ARHGAP6: variants seen among roughly 807,000 people sequenced by gnomAD.
The protein encoded by ARHGAP6 is rho GTPase-activating protein 6.
In ARHGAP6, 16 loss-of-function variants were observed where a neutral mutation model predicts 55.7. The ratio of observed to expected loss-of-function variants is 0.29; its 90% CI spans 0.19 to 0.44. ARHGAP6 has a LOEUF of 0.44. Ranked by LOEUF, ARHGAP6 falls within the 20% of genes least tolerant of loss-of-function variation. The pLI, the probability that ARHGAP6 is intolerant of heterozygous loss-of-function variation, is 1.00. For missense variants in ARHGAP6, 698 were observed against 808.9 expected (o/e 0.86, Z 1.66); for synonymous variants, 382 against 360.9 (o/e 1.06, Z -0.66).
At chrX:11,511,903 T>G (rs1345460535) in intron 1 of ARHGAP6, among the ~76,000 whole-genome samples, 1 of 111,362 alleles carries the variant, frequency 9.0e-6, no homozygotes, top group African/African-American at 3.3e-5. Flanking sequence ...CTCAGCTCAC[T>G]GCAAGCTCTG....
intron 1 of ARHGAP6, among the ~76,000 whole-genome samples, chrX:11,278,279 C>T (rs187154743): frequency 3.0e-4 from 33 of 111,775 alleles, no homozygotes; most frequent in African/African-American, 1.1e-3. Flanking sequence ...GGACAGAAGT[C>T]TAGATTATCC....
intron 1 of ARHGAP6, among the ~76,000 whole-genome samples, chrX:11,416,346 A>C (rs2147771609): frequency 8.9e-6 from 1 of 112,011 alleles, no homozygotes; most frequent in South Asian, 3.8e-4. Flanking sequence ...CATTTAAAAA[A>C]TGTTCTTCCT....
chrX:11,357,600 C>T (rs1270248413), intron 1 of ARHGAP6, among the ~76,000 whole-genome samples: 1 of 111,331 alleles, frequency 9.0e-6, no homozygotes, highest in African/African-American at 3.3e-5. Context: ...AGATGTAGTA[C>T]TTTTTTCTCC....
intron 1 of ARHGAP6, among the ~76,000 whole-genome samples, chrX:11,618,553 AC>A (rs1356399644): frequency 3.6e-5 from 4 of 112,392 alleles, no homozygotes; most frequent in African/African-American, 9.7e-5. Flanking sequence ...AAACTGCTTT[AC>A]CCAGTGAATC....
chrX:11,232,485 A>G (rs1336179314), intron 2 of ARHGAP6, among the ~76,000 whole-genome samples: 1 of 110,243 alleles, frequency 9.1e-6, no homozygotes, highest in African/African-American at 3.3e-5. Flanking sequence ...AAAAAAAATT[A>G]GCTGGGCTTG....
intron 1 of ARHGAP6, among the ~76,000 whole-genome samples, chrX:11,518,515 T>C (rs748130561): frequency 4.9e-5 from 5 of 102,868 alleles, no homozygotes; most frequent in African/African-American, 1.4e-4. Flanking sequence ...ATTTAAGTAT[T>C]GGAAAGGCAC....
chrX:11,626,461 TA>T lies in ARHGAP6; in HGVS notation c.588+37779del, dbSNP rs1471835258. Among the ~76,000 whole-genome samples the T allele has an allele frequency of 6.3e-5, 7 of 111,751 alleles. No homozygotes were observed. In the Admixed American group the frequency reaches 6.6e-4, roughly 11 times the overall value. ...TTATACTAATTTGATAAGGACTGTA[TA>T]AAAAATTAAAATATGAGAACTACCT... On this transcript the variant is annotated intron_variant, in intron 1 of 12. Transcript: ENST00000337414.
At chrX:11,649,916 C>T (rs774654280) in intron 1 of ARHGAP6, among the ~76,000 whole-genome samples, 1 of 109,180 alleles carries the variant, frequency 9.2e-6, no homozygotes, top group South Asian at 3.9e-4. Flanking sequence ...TGCATAGAAA[C>T]ATTTAATTAA....
At chrX:11,362,839 A>T (rs1296737155) in intron 1 of ARHGAP6, among the ~76,000 whole-genome samples, 5 of 111,152 alleles carry the variant, frequency 4.5e-5, no homozygotes, top group Admixed American at 2.9e-4. Flanking sequence ...ATTCACTGGG[A>T]TTAACAGGCA....
At chrX:11,141,884 T>A (rs925217660) in intron 12 of ARHGAP6, among the ~76,000 whole-genome samples, 8 of 112,425 alleles carry the variant, frequency 7.1e-5, no homozygotes, top group African/African-American at 2.6e-4. Context: ...TAACAAAAAA[T>A]TTCAAATGAC....
chrX:11,174,684 T>TTTCA lies in ARHGAP6; in HGVS notation c.1629+3412_1629+3415dup, dbSNP rs1180347308. Among the ~76,000 whole-genome samples the TTTCA allele has an allele frequency of 2.3e-4, 15 of 63,849 alleles. No homozygotes were observed. The Admixed American group carries it at 2.4e-3, about 10-fold the overall frequency. The allele number at this position is 63,849 out of a possible 115,157, so 55.4% of individuals were successfully genotyped here. On this transcript the variant is annotated intron_variant, in intron 8 of 12. Transcript: ENST00000337414. ...CTTTCTTTCTTTCTTTCTTTCTTTC[T>TTTCA]TTCATTCATTTATTTATTTTTGAGA...
chrX:11,629,748 C>T (rs928766412), intron 1 of ARHGAP6, among the ~76,000 whole-genome samples: 2 of 111,089 alleles, frequency 1.8e-5, no homozygotes, highest in African/African-American at 6.5e-5. Flanking sequence ...CTGAGGCTCG[C>T]ATTCACACAC....
chrX:11,359,977 A>C (rs994368435), intron 1 of ARHGAP6, among the ~76,000 whole-genome samples: 3 of 111,934 alleles, frequency 2.7e-5, no homozygotes, highest in Non-Finnish European at 3.8e-5. Context: ...ATCTCTGAAT[A>C]GACCAATAAC....
chrX:11,395,852 A>C (rs964789530), intron 1 of ARHGAP6, among the ~76,000 whole-genome samples: 1 of 112,240 alleles, frequency 8.9e-6, no homozygotes, highest in Non-Finnish European at 1.9e-5. Context: ...AAAAATAATT[A>C]TCTCTGAATA....
At chrX:11,555,892 G>T (rs2051315941) in intron 1 of ARHGAP6, among the ~76,000 whole-genome samples, 1 of 111,364 alleles carries the variant, frequency 9.0e-6, no homozygotes, top group Admixed American at 9.5e-5. Context: ...GGAGTGATAA[G>T]AGATGAGACC....
intron 1 of ARHGAP6, among the ~76,000 whole-genome samples, chrX:11,485,195 T>C (rs1324443658): frequency 1.8e-5 from 2 of 112,434 alleles, no homozygotes; most frequent in East Asian, 2.8e-4. Flanking sequence ...AAAGTGTAAA[T>C]ACGTAGTTCT....
chrX:11,142,494 C>A, intron 11 of ARHGAP6, 181 bp from the exon 12 acceptor site: 1 of 232,906 alleles, frequency 4.3e-6, no homozygotes, highest in Non-Finnish European at 8.0e-6. Context: ...ACAAAAAGGC[C>A]CTTTCTATAT....
chrX:11,252,749 T>C (rs1408028567), intron 2 of ARHGAP6, among the ~76,000 whole-genome samples: 1 of 112,146 alleles, frequency 8.9e-6, no homozygotes, highest in Non-Finnish European at 1.9e-5. Context: ...ATTGGCCTTG[T>C]CTATCTCTCT....
At chrX:11,343,269 C>T (rs895749081) in intron 1 of ARHGAP6, among the ~76,000 whole-genome samples, 2 of 112,094 alleles carry the variant, frequency 1.8e-5, no homozygotes, top group African/African-American at 3.2e-5. Flanking sequence ...CCTTCATTTC[C>T]GATCAGGTAG....
Sources: gnomAD v4.1 joint callset for allele counts (sites outside exome capture counted in the v4.1 genomes callset) on GRCh38, gnomAD v4.1.1 for gene constraint, MANE v1.5 for transcripts, NCBI Gene and HGNC (gene_info 2026-07-23, HGNC 2026-07-21) for gene names.